BBX: variants seen among roughly 807,000 people sequenced by gnomAD.
The protein encoded by BBX is HMG box transcription factor BBX.
In BBX, 30 loss-of-function variants were observed where a neutral mutation model predicts 100.2. The observed-to-expected ratio is 0.30, with a 90% CI of 0.22 to 0.41. The LOEUF is 0.41. BBX is among the 10% of genes least tolerant of loss of function. The pLI, the probability that BBX is intolerant of heterozygous loss-of-function variation, is 1.00. For missense variants in BBX, 1,023 were observed against 1,129.8 expected, an observed-to-expected ratio of 0.91 and a Z score of 1.35; for synonymous variants, 376 against 388.1, an observed-to-expected ratio of 0.97 and a Z score of 0.37.
intron 3 of BBX, among the ~76,000 whole-genome samples, chr3:107,653,724 T>C (rs2057979678): frequency 6.6e-6 from 1 of 152,106 alleles, no homozygotes; most frequent in Non-Finnish European, 1.5e-5. Context: ...AAATGTTCTG[T>C]TTTAGAGTAT....
intron 2 of BBX, among the ~76,000 whole-genome samples, chr3:107,591,814 A>G (rs1048490806): frequency 1.3e-4 from 20 of 152,184 alleles, no homozygotes; most frequent in Non-Finnish European, 1.5e-5. Context: ...ACACTTTTAA[A>G]AGAAAGGTCC....
chr3:107,556,741 T>G (rs1487638166), intron 2 of BBX, among the ~76,000 whole-genome samples: 1 of 152,164 alleles, frequency 6.6e-6, no homozygotes, highest in Non-Finnish European at 1.5e-5. Flanking sequence ...GAACCGAGCA[T>G]TTTTGGATAG....
intron 2 of BBX, among the ~76,000 whole-genome samples, chr3:107,592,405 G>A (rs1576425590): frequency 7.2e-6 from 1 of 139,092 alleles, no homozygotes; most frequent in Non-Finnish European, 1.6e-5. Context: ...ATGACTGTAT[G>A]TTCTTTGTGA....
intron 16 of BBX, 135 bp downstream of exon 16, chr3:107,798,855 A>G: frequency 1.0e-6 from 1 of 1,004,978 alleles, no homozygotes. Context: ...AAAAAACAAA[A>G]ACAAAAAAAA....
At chr3:107,794,185 T>C (rs1373573157) in intron 15 of BBX, among the ~76,000 whole-genome samples, 1 of 152,130 alleles carries the variant, frequency 6.6e-6, no homozygotes, top group Non-Finnish European at 1.5e-5. Flanking sequence ...CTTTATAGTT[T>C]ACAGGGGGCT....
rs776457058 is a variant in BBX, at chr3:107,710,565, ACTT to A, written c.109_111del (p.Leu37del). 1 of 1,613,998 alleles carries A rather than the reference ACTT, an allele frequency of 6.2e-7. No homozygotes were observed. Among genetic ancestry groups the A allele is most frequent in the Non-Finnish European group, 8.5e-7 (1 of 1,179,958 alleles). On this transcript the variant is annotated inframe_deletion, in exon 4 of 18. Coordinates refer to ENST00000325805, the MANE Select transcript of BBX (RefSeq NM_001142568.3). ...AGTGGCATCCATTGCTAGCAAAGAAACTTCTTGATTTTTCAGAAGAGGAAGAAG... is the reference window on the plus strand; with the variant it reads ...AGTGGCATCCATTGCTAGCAAAGAAACTTGATTTTTCAGAAGAGGAAGAAG...
intron 2 of BBX, among the ~76,000 whole-genome samples, chr3:107,585,111 G>A (rs1171381427): frequency 1.3e-5 from 2 of 152,118 alleles, no homozygotes; most frequent in Non-Finnish European, 2.9e-5. Context: ...AGCAGGAGGG[G>A]AAACCAGGAG....
rs1306054918 is a variant in BBX at position 107,807,266 on chromosome 3, C to T, written c.*1809C>T. ...ATGATGTGCTCAAAAATGCATATTC[C>T]TGGTGGGGATGGAGGAAGAAGGCAT... On this transcript the variant is annotated 3_prime_UTR_variant, in exon 18 of 18. Transcript: ENST00000325805. The T allele has an allele frequency of 6.6e-6, 1 of 151,910 alleles. No homozygotes were observed. Among genetic ancestry groups the T allele is most frequent in the Non-Finnish European group, 1.5e-5 (1 of 67,976 alleles). 9.4% of individuals were successfully genotyped at this position (151,910 alleles called of 1,614,324 possible).
chr3:107,620,760 A>G (rs779271599), intron 2 of BBX, among the ~76,000 whole-genome samples: 20 of 152,078 alleles, frequency 1.3e-4, no homozygotes, highest in Non-Finnish European at 1.5e-4. Context: ...TACTGATACT[A>G]TGGATGTAGA....
At chr3:107,618,682 G>A (rs73850110) in intron 2 of BBX, among the ~76,000 whole-genome samples, 2,091 of 151,920 alleles carry the variant, frequency 0.014, 49 homozygotes, top group African/African-American at 0.046. Context: ...TAGTTTCCAT[G>A]TGTTGGGGTA....
At chr3:107,742,784 C>A (rs2064220534) in intron 7 of BBX, among the ~76,000 whole-genome samples, 1 of 152,106 alleles carries the variant, frequency 6.6e-6, no homozygotes, top group African/African-American at 2.4e-5. Context: ...TTATAGATGC[C>A]TTCATAATTA....
chr3:107,642,144 C>T (rs638702), intron 2 of BBX, among the ~76,000 whole-genome samples: 50,566 of 151,890 alleles, frequency 0.33, 9,547 homozygotes, highest in East Asian at 0.88. Context: ...CTACAAATTG[C>T]GTAATGTGTA....
rs190395724 is a variant in BBX at position 107,571,433 on chromosome 3, A to G, written c.-84+45035A>G. On this transcript the variant is annotated intron_variant, in intron 2 of 17. Coordinates refer to ENST00000325805, the MANE Select transcript of BBX (RefSeq NM_001142568.3). ...TGGCGCCGGAGTTTTGGGTTTCCGG[A>G]TAAAATGTGTCTCTGTCTCTACTAG... Among the ~76,000 whole-genome samples, 530 of 152,282 alleles carry G rather than the reference A, an allele frequency of 3.5e-3. 3 individuals carry two copies. Among genetic ancestry groups the G allele is most frequent in the African/African-American group, 0.012 (503 of 41,568 alleles).
At position 107,808,954 on chromosome 3, in the gene BBX, C is replaced by A. The variant is rs530942390; in HGVS notation, c.*3497C>A. The A allele has an allele frequency of 1.3e-5, 2 of 152,256 alleles. No homozygotes were observed. The highest frequency in any genetic ancestry group is 4.8e-5 in the African/African-American group (2 of 41,552). 9.4% of individuals were successfully genotyped at this position (152,256 alleles called of 1,614,324 possible). ...CCTGCCACTAAAATTGCTGGAGAAA[C>A]AAAATAATGATGGAACACTATGAAC... On this transcript the variant is annotated 3_prime_UTR_variant, in exon 18 of 18. Transcript: ENST00000325805.
intron 16 of BBX, among the ~76,000 whole-genome samples, chr3:107,800,352 A>G (rs1015050843): frequency 2.0e-5 from 3 of 152,232 alleles, no homozygotes; most frequent in African/African-American, 2.4e-5. Context: ...AGTCCCATTT[A>G]CATAGAAAAG....
intron 10 of BBX, among the ~76,000 whole-genome samples, chr3:107,767,124 A>T (rs553374704): frequency 6.6e-6 from 1 of 152,368 alleles, no homozygotes; most frequent in South Asian, 2.1e-4. Context: ...ATGTTGCAGC[A>T]GACCACCATG....
At position 107,693,729 on chromosome 3, in the gene BBX, T is replaced by G. The variant is rs1157100384; in HGVS notation, c.-9-16723T>G. On this transcript the variant is annotated intron_variant, in intron 3 of 17. Coordinates refer to ENST00000325805, the MANE Select transcript of BBX (RefSeq NM_001142568.3). ...ACTTTAAAGTGGTTCTTTCCAATTC[T>G]GTGAAGAAAGTCATGGTAGCTTGAT... is the stretch of plus-strand genomic sequence containing the variant. Among the ~76,000 whole-genome samples the G allele has an allele frequency of 2.0e-5, 3 of 151,950 alleles. No homozygotes were observed. In the East Asian group the frequency reaches 5.8e-4, roughly 29 times the overall value.
At chr3:107,662,183 T>C (rs2058484658) in intron 3 of BBX, among the ~76,000 whole-genome samples, 1 of 152,172 alleles carries the variant, frequency 6.6e-6, no homozygotes, top group Admixed American at 6.5e-5. Context: ...CTAGGGTTAA[T>C]GGAGTAGAGA....
chr3:107,672,869 TTAAA>T (rs1032215627), intron 3 of BBX, among the ~76,000 whole-genome samples: 1 of 152,076 alleles, frequency 6.6e-6, no homozygotes. Flanking sequence ...TTTTAAAAAA[TTAAA>T]TAAACTTTTG....
Sources: gnomAD v4.1 joint callset for allele counts (sites outside exome capture counted in the v4.1 genomes callset) on GRCh38, gnomAD v4.1.1 for gene constraint, MANE v1.5 for transcripts, NCBI Gene and HGNC (gene_info 2026-07-23, HGNC 2026-07-21) for gene names.